SGCD: variants seen among roughly 807,000 people sequenced by gnomAD.
The protein encoded by SGCD is delta-sarcoglycan.
A neutral mutation model predicts 36.6 loss-of-function variants in SGCD; 18 were observed. The observed-to-expected ratio is 0.49, with a 90% confidence interval of 0.34 to 0.73. The LOEUF is 0.73. Among genes scored for constraint, SGCD ranks in the 30% least tolerant of loss-of-function variants. SGCD has a pLI of 0.01. For missense variants in SGCD, 387 were observed against 346.7 expected (o/e 1.12, Z -0.92); for synonymous variants, 133 against 130.6 (o/e 1.02, Z -0.12).
Position 156,233,763 on chromosome 5 carries a change from T to C in SGCD, c.-43-95771T>C, listed in dbSNP as rs149446773. On this transcript the variant is annotated intron_variant, in intron 3 of 9. Coordinates refer to the SGCD transcript ENST00000517913. ...AGCCAGGCAGGGTGGTGCCTGCCTA[T>C]AGTCCCAGTTCATTGGGAAGCTGGG... Among the ~76,000 whole-genome samples the C allele has an allele frequency of 5.6e-3, 854 of 152,280 alleles. 4 individuals carry two copies. The highest frequency in any genetic ancestry group is 9.3e-3 in the Admixed American group (142 of 15,292).
intron 3 of SGCD, among the ~76,000 whole-genome samples, chr5:156,475,427 G>A (rs914632216): frequency 2.0e-5 from 3 of 152,126 alleles, no homozygotes; most frequent in Non-Finnish European, 4.4e-5. Flanking sequence ...TGAGATTCAT[G>A]CAGAAGAGAA....
At chr5:156,609,271 C>G (rs1165549355) in intron 6 of SGCD, among the ~76,000 whole-genome samples, 1 of 152,104 alleles carries the variant, frequency 6.6e-6, no homozygotes, top group African/African-American at 2.4e-5. Flanking sequence ...ATTTGCTTGT[C>G]TGTAAAGTAT....
the SGCD span, among the ~76,000 whole-genome samples, chr5:155,769,437 CAA>C: frequency 4.5e-5 from 6 of 133,272 alleles, no homozygotes; most frequent in Non-Finnish European, 1.6e-5. Flanking sequence ...TAGAAATGAC[CAA>C]AAAAAAAAAA....
chr5:156,720,101 G>T (rs1755421364), intron 7 of SGCD, among the ~76,000 whole-genome samples: 1 of 152,170 alleles, frequency 6.6e-6, no homozygotes, highest in Admixed American at 6.5e-5. Flanking sequence ...AGAACTTTCA[G>T]ATGCCACAAG....
intron 7 of SGCD, among the ~76,000 whole-genome samples, chr5:156,748,398 C>T (rs145180207): frequency 1.7e-3 from 251 of 152,092 alleles, no homozygotes; most frequent in African/African-American, 5.2e-3. Context: ...TTAAAAATTT[C>T]GGTTATATTA....
At chr5:156,584,740 G>C (rs1316651564) in intron 4 of SGCD, among the ~76,000 whole-genome samples, 2 of 152,090 alleles carry the variant, frequency 1.3e-5, no homozygotes, top group Non-Finnish European at 2.9e-5. Context: ...AATATTTGCT[G>C]GCTATATATC....
At chr5:156,241,964 C>T (rs1321737543) in intron 3 of SGCD, among the ~76,000 whole-genome samples, 4 of 152,074 alleles carry the variant, frequency 2.6e-5, no homozygotes, top group Non-Finnish European at 4.4e-5. Flanking sequence ...GAGAGCTGGC[C>T]CTCAAACAGG....
intron 3 of SGCD, among the ~76,000 whole-genome samples, chr5:156,150,321 A>G (rs1379658049): frequency 1.3e-5 from 2 of 151,574 alleles, no homozygotes; most frequent in African/African-American, 4.9e-5. Flanking sequence ...AATGCCTTCC[A>G]AGGCTCAGCT....
intron 4 of SGCD, among the ~76,000 whole-genome samples, chr5:156,535,888 T>C (rs145201597): frequency 3.0e-4 from 46 of 152,232 alleles, no homozygotes; most frequent in African/African-American, 1.1e-3. Flanking sequence ...AATGAGGTAA[T>C]TAAATACTAT....
At chr5:156,292,263 C>G (rs997845575) in intron 3 of SGCD, among the ~76,000 whole-genome samples, 1 of 152,104 alleles carries the variant, frequency 6.6e-6, no homozygotes, top group African/African-American at 2.4e-5. Context: ...AAACCCTATA[C>G]CCGTTAAACA....
At chr5:155,756,460 C>T in the SGCD span, among the ~76,000 whole-genome samples, 44 of 152,252 alleles carry the variant, frequency 2.9e-4, no homozygotes, top group African/African-American at 9.6e-4. Context: ...CCCATCACAT[C>T]CCCCAAATTG....
At chr5:156,369,387 G>C (rs1272191148) in intron 3 of SGCD, among the ~76,000 whole-genome samples, 2 of 152,182 alleles carry the variant, frequency 1.3e-5, no homozygotes, top group African/African-American at 4.8e-5. Context: ...AATCCACTTA[G>C]AGTTCTCTGG....
intron 3 of SGCD, among the ~76,000 whole-genome samples, chr5:156,479,875 A>G (rs1379134150): frequency 6.6e-6 from 1 of 152,144 alleles, no homozygotes. Context: ...GGTTCTTCCA[A>G]CACTTTCCAT....
intron 1 of SGCD, among the ~76,000 whole-genome samples, chr5:156,065,449 G>T (rs1394379331): frequency 8.4e-6 from 1 of 118,724 alleles, no homozygotes. Context: ...ATGTCTATTA[G>T]GTCTGCTTGG....
the SGCD span, among the ~76,000 whole-genome samples, chr5:155,816,687 G>A: frequency 2.6e-5 from 4 of 152,118 alleles, no homozygotes; most frequent in African/African-American, 9.7e-5. Flanking sequence ...GGTGAGTTTT[G>A]AGCAAAAAGT....
At chr5:155,956,542 C>A (rs576614480) in intron 1 of SGCD, among the ~76,000 whole-genome samples, 50 of 152,208 alleles carry the variant, frequency 3.3e-4, no homozygotes, top group Admixed American at 3.2e-3. Flanking sequence ...GCTGCCATAA[C>A]AAATTACCAC....
At chr5:156,135,191 G>A (rs1465010584) in intron 3 of SGCD, among the ~76,000 whole-genome samples, 3 of 151,870 alleles carry the variant, frequency 2.0e-5, no homozygotes, top group Non-Finnish European at 4.4e-5. Flanking sequence ...ATTCTTTTTG[G>A]ATTTTCTTAT....
At chr5:156,457,222 C>G (rs1754300984) in intron 3 of SGCD, among the ~76,000 whole-genome samples, 1 of 152,116 alleles carries the variant, frequency 6.6e-6, no homozygotes. Context: ...ACAAATATTT[C>G]TAAAATAGCA....
chr5:156,023,126 T>A (rs1759145070), intron 1 of SGCD, among the ~76,000 whole-genome samples: 1 of 152,244 alleles, frequency 6.6e-6, no homozygotes, highest in Admixed American at 6.5e-5. Flanking sequence ...TTTCTTCACC[T>A]TTGAAATATG....
Sources: allele counts gnomAD v4.1 joint callset (sites outside exome capture counted in the v4.1 genomes callset), GRCh38; gene constraint gnomAD v4.1.1; transcripts MANE v1.5; gene names NCBI Gene and HGNC (gene_info 2026-07-23, HGNC 2026-07-21).